The following IQCK variants were observed in gnomAD, a reference collection of about 807,000 sequenced individuals.
IQCK encodes IQ motif containing K.
In IQCK, 29 loss-of-function variants were observed where a neutral mutation model predicts 28.1. The ratio of observed to expected loss-of-function variants is 1.03; its 90% confidence interval spans 0.77 to 1.41. The LOEUF (loss-of-function observed/expected upper bound fraction) is 1.41, where lower values mean the gene tolerates loss of function less well. IQCK is among the 40% of genes most tolerant of loss of function. IQCK has a pLI of 0.00. For synonymous variants in IQCK, 113 were observed against 115.1 expected (o/e 0.98, Z 0.12); for missense variants, 359 against 314.7 (o/e 1.14, Z -1.07).
At chr16:19,745,283 T>C (rs1005262054) in intron 4 of IQCK, among the ~76,000 whole-genome samples, 1 of 152,192 alleles carries the variant, frequency 6.6e-6, no homozygotes, top group African/African-American at 2.4e-5. Context: ...CTTTCTTTAA[T>C]GTGGCACTCT....
intron 9 of IQCK, among the ~76,000 whole-genome samples, chr16:19,852,581 C>T (rs2056496530): frequency 6.6e-6 from 1 of 150,644 alleles, no homozygotes; most frequent in Non-Finnish European, 1.5e-5. Flanking sequence ...TAGAATCACA[C>T]TATATGTATT....
chr16:19,814,360 G>A (rs1425560810), intron 7 of IQCK, among the ~76,000 whole-genome samples: 4 of 151,730 alleles, frequency 2.6e-5, no homozygotes, highest in Non-Finnish European at 2.9e-5. Context: ...AGCCGAGATC[G>A]CACCATCGCA....
In IQCK at chr16:19,718,499, GGGCTGGC is replaced by G. The variant is rs767039620; in HGVS notation, c.181+13_181+19del. ...GCAGATCTGCAAGGGTAGGAAACCTGGGCTGGCCGAGAGGGGCGGGACCCGGGCGGCC... is the reference window on the plus strand; with the variant it reads ...GCAGATCTGCAAGGGTAGGAAACCTGCGAGAGGGGCGGGACCCGGGCGGCC... On this transcript the variant is annotated intron_variant, in intron 1 of 7. Coordinates refer to ENST00000564186, the Ensembl canonical transcript of IQCK. The G allele has an allele frequency of 1.9e-6, 3 of 1,587,046 alleles. No individual in the cohort carries two copies. Among genetic ancestry groups the G allele is most frequent in the Non-Finnish European group, 2.6e-6 (3 of 1,167,662 alleles).
intron 4 of IQCK, among the ~76,000 whole-genome samples, chr16:19,753,853 G>A (rs1469581678): frequency 2.0e-5 from 3 of 151,814 alleles, no homozygotes; most frequent in East Asian, 1.9e-4. Context: ...AAACAGCTGC[G>A]ACCACTGCCT....
At chr16:19,836,847 A>C (rs2056305607) in intron 9 of IQCK, among the ~76,000 whole-genome samples, 1 of 152,140 alleles carries the variant, frequency 6.6e-6, no homozygotes, top group African/African-American at 2.4e-5. Flanking sequence ...AGATAAATCT[A>C]CAAACCCCTA....
chr16:19,746,983 A>C (rs546610685), intron 4 of IQCK, among the ~76,000 whole-genome samples: 3 of 152,222 alleles, frequency 2.0e-5, no homozygotes, highest in Non-Finnish European at 4.4e-5. Context: ...TAGTGGCTTA[A>C]AATTACAAGC....
intron 1 of IQCK, among the ~76,000 whole-genome samples, chr16:19,727,816 C>T (rs1262312104): frequency 6.6e-6 from 1 of 151,990 alleles, no homozygotes; most frequent in Non-Finnish European, 1.5e-5. Context: ...GTTCCCAAGG[C>T]AGCTGGGGAA....
chr16:19,768,195 G>C (rs1356733464), intron 6 of IQCK, among the ~76,000 whole-genome samples: 1 of 151,986 alleles, frequency 6.6e-6, no homozygotes, highest in Non-Finnish European at 1.5e-5. Context: ...AACAACACTA[G>C]GATGTAGGTA....
chr16:19,801,165 G>A (rs918514932), intron 7 of IQCK, among the ~76,000 whole-genome samples: 1 of 137,744 alleles, frequency 7.3e-6, no homozygotes, highest in Non-Finnish European at 1.5e-5. Flanking sequence ...TTTGGGTTTG[G>A]GCTGTGTGTG....
At chr16:19,854,838 G>A (rs1015348219) in intron 9 of IQCK, among the ~76,000 whole-genome samples, 1 of 152,164 alleles carries the variant, frequency 6.6e-6, no homozygotes, top group Non-Finnish European at 1.5e-5. Flanking sequence ...ACTATGAAGA[G>A]TCAATGTCAT....
intron 6 of IQCK, among the ~76,000 whole-genome samples, chr16:19,770,165 C>G (rs1377849060): frequency 1.3e-5 from 2 of 152,066 alleles, no homozygotes; most frequent in African/African-American, 2.4e-5. Flanking sequence ...TGGATTAAGT[C>G]AAGATGGACA....
At chr16:19,821,447 C>T (rs1330377547) in intron 7 of IQCK, among the ~76,000 whole-genome samples, 5 of 152,212 alleles carry the variant, frequency 3.3e-5, no homozygotes, top group Non-Finnish European at 7.3e-5. Context: ...CGCCTGTAAT[C>T]CCAGCACTCT....
At chr16:19,783,142 G>A (rs1405437862) in intron 6 of IQCK, among the ~76,000 whole-genome samples, 3 of 151,982 alleles carry the variant, frequency 2.0e-5, no homozygotes, top group African/African-American at 7.2e-5. Context: ...GGGGTTACAG[G>A]TGTCCGCCAC....
chr16:19,812,842 T>TGG (rs528312652), intron 7 of IQCK, among the ~76,000 whole-genome samples: 3 of 151,748 alleles, frequency 2.0e-5, no homozygotes, highest in African/African-American at 7.3e-5. Context: ...CAGAAAAAGG[T>TGG]AGGGGGGGAA....
At chr16:19,782,900 G>A (rs1021901481) in intron 6 of IQCK, among the ~76,000 whole-genome samples, 27 of 152,144 alleles carry the variant, frequency 1.8e-4, no homozygotes, top group African/African-American at 6.0e-4. Context: ...ATGTGTATGC[G>A]CACACATGTG....
At chr16:19,829,508 C>T (rs546447296), downstream of IQCK, among the ~76,000 whole-genome samples, 9 of 151,994 alleles carry the variant, frequency 5.9e-5, no homozygotes, top group Middle Eastern at 3.4e-3. Flanking sequence ...AGCTAATTTT[C>T]GTTTTTTTCG....
chr16:19,842,524 AATTTTTTCTTT>A (rs2056373206), intron 9 of IQCK, among the ~76,000 whole-genome samples: 2 of 152,140 alleles, frequency 1.3e-5, no homozygotes, highest in African/African-American at 4.8e-5. Context: ...TCTTCTGTAA[AATTTTTTCTTT>A]GGGTCAAAAT....
chr16:19,767,417 G>A (rs2055254839), intron 6 of IQCK, among the ~76,000 whole-genome samples: 1 of 152,092 alleles, frequency 6.6e-6, no homozygotes, highest in Non-Finnish European at 1.5e-5. Context: ...GAGCCAGAAG[G>A]GCACCATGGT....
intron 1 of IQCK, among the ~76,000 whole-genome samples, chr16:19,724,236 T>G (rs889228247): frequency 1.8e-4 from 27 of 152,162 alleles, no homozygotes; most frequent in African/African-American, 6.5e-4. Flanking sequence ...AAGCCTTCTG[T>G]AATTCCTCAG....
Sources: allele counts gnomAD v4.1 joint callset (sites outside exome capture counted in the v4.1 genomes callset), GRCh38; gene constraint gnomAD v4.1.1; transcripts MANE v1.5; gene names NCBI Gene and HGNC (gene_info 2026-07-23, HGNC 2026-07-21).